Variants in GUCY2D observed in about 807,000 individuals in gnomAD.
GUCY2D encodes guanylate cyclase 2D, retinal, also known as retinal guanylyl cyclase 1.
Under a neutral mutation model 101.3 loss-of-function variants are expected in GUCY2D, and 70 were observed. The ratio of observed to expected loss-of-function variants is 0.69; its 90% CI spans 0.57 to 0.84. GUCY2D has a LOEUF of 0.84. GUCY2D is among the 40% of genes least tolerant of loss of function. The probability of loss-of-function intolerance (pLI) is 0.00; values close to 1 mark genes in which losing one functional copy is unlikely to be tolerated. For synonymous variants in GUCY2D, 688 were observed against 670.7 expected, an observed-to-expected ratio of 1.03 and a Z score of -0.40; for missense variants, 1,460 against 1,542.5, an observed-to-expected ratio of 0.95 and a Z score of 0.90.
intron 19 of GUCY2D, 126 bp downstream of exon 19, chr17:8,016,680 G>A (rs374031991): frequency 6.6e-6 from 4 of 604,446 alleles, no homozygotes; most frequent in Non-Finnish European, 1.2e-5. Flanking sequence ...CTAAACCCCG[G>A]GGCTTCCCCT....
chr17:8,009,647 C>T, intron 8 of GUCY2D, 61 bp downstream of exon 8: 1 of 1,086,216 alleles, frequency 9.2e-7, no homozygotes, highest in African/African-American at 1.5e-5. Context: ...CTTGCCTTCT[C>T]TTTGCAGCTG....
rs748520738 is a variant in GUCY2D at position 8,013,074 on chromosome 17, C to T, written c.2114-29C>T. ...GGTGAGGGTGGGAGTCTTTCCCCAGCGGCGCCTCAGCCCCTTCCCCATCCC... is the reference window on the plus strand; with the variant it reads ...GGTGAGGGTGGGAGTCTTTCCCCAGTGGCGCCTCAGCCCCTTCCCCATCCC... On this transcript the variant is annotated intron_variant, in intron 10 of 19. Transcript: ENST00000254854. The surrounding 1 kb of genome is among the most constrained non-coding windows in gnomAD (Gnocchi z 5.0). 35 of 1,602,386 alleles carry T rather than the reference C, an allele frequency of 2.2e-5. No homozygotes were observed. The highest frequency in any genetic ancestry group is 5.4e-5 in the African/African-American group (4 of 74,726).
In GUCY2D at chr17:8,014,647, T is replaced by G; in HGVS notation, c.2459T>G (p.Met820Arg). The G allele has an allele frequency of 6.2e-7, 1 of 1,614,106 alleles. No homozygotes were observed. Among genetic ancestry groups the G allele is most frequent in the Non-Finnish European group, 8.5e-7 (1 of 1,179,962 alleles). ...CGGAAGACGAACATCATTGACTCGATGCTTCGGATGCTGGAGCAGTACTCT... is the reference window on the plus strand; with the variant it reads ...CGGAAGACGAACATCATTGACTCGAGGCTTCGGATGCTGGAGCAGTACTCT... ...KGRKTNIIDS[M>R]LRMLEQYSSN... is the part of the protein sequence containing the mutation. Residue 820 changes from methionine to arginine, a missense_variant, in exon 13 of 20, where the codon ATG becomes AGG. This residue lies in a region of GUCY2D where 1,196 missense variants were observed against 1,229.6 expected (regional missense o/e 0.97). Transcript: ENST00000254854. This position sits in a 1 kb window ranked among gnomAD's most constrained non-coding sequence, Gnocchi z 4.0.
rs1975649020 is a variant in GUCY2D, at chr17:8,002,768, T to C, written c.-10+34T>C. ...CAGAGGCCCCTCCGCTGGGATAGGG[T>C]CGGTCTGAGGGCGCAGGCGAGTCCC... On this transcript the variant is annotated intron_variant, in intron 1 of 19. Transcript: ENST00000254854. The surrounding 1 kb of genome is among the most constrained non-coding windows in gnomAD (Gnocchi z 4.9). 1 of 439,152 alleles carries C rather than the reference T, an allele frequency of 2.3e-6. No homozygotes were observed. The highest frequency in any genetic ancestry group is 4.0e-5 in the East Asian group (1 of 25,188). The allele number at this position is 439,152 out of a possible 1,614,324, so 27.2% of individuals were successfully genotyped here.
In GUCY2D at chr17:8,015,661, G is replaced by A. The variant is rs1005040147; in HGVS notation, c.2945-82G>A. ...TTTGGGGGGCTGGTGGAGATAATGG[G>A]TGCGAAGATCCCCCGAGGCCCTACC... On this transcript the variant is annotated intron_variant, in intron 15 of 19. Transcript: ENST00000254854. 4.1e-6 allele frequency: 5 copies of A among 1,221,258 alleles called. No individual in the cohort carries two copies. In the African/African-American group the frequency reaches 6.0e-5, roughly 15 times the overall value. 75.7% of individuals were successfully genotyped at this position (1,221,258 alleles called of 1,614,324 possible). A position where few individuals can be genotyped will look rare whatever the true frequency, so the allele number is the denominator to read the frequency against.
At chr17:8,005,836 T>C (rs1253654324) in intron 3 of GUCY2D, among the ~76,000 whole-genome samples, 1 of 152,258 alleles carries the variant, frequency 6.6e-6, no homozygotes, top group East Asian at 1.9e-4. Context: ...TAGAGAAGCC[T>C]GATAAGATCG....
rs749607771 is a variant in GUCY2D at position 8,006,456 on chromosome 17, T to G, written c.1120T>G (p.Ser374Ala). 6.2e-7 allele frequency: 1 copy of G among 1,605,362 alleles called. No homozygotes were observed. Among genetic ancestry groups the G allele is most frequent in the Non-Finnish European group, 8.5e-7 (1 of 1,179,954 alleles). ...GGCTGCCGCAGGTGGCAGATGGGTG[T>G]CCGGAGCAGCTGTGGCCCGCCACAT... Reference protein sequence around the residue: ...ARAAAGGRWVSGAAVARHIRD... With the variant: ...ARAAAGGRWVAGAAVARHIRD... Residue 374 changes from serine to alanine, a missense_variant, in exon 4 of 20, where the codon TCC (serine) becomes GCC (alanine). Physicochemically the swap from Ser to Ala is moderately conservative, Grantham distance 99. Coordinates refer to ENST00000254854, the MANE Select transcript of GUCY2D (RefSeq NM_000180.4).
At position 8,006,513 on chromosome 17, in the gene GUCY2D, G is replaced by T. The variant is rs1419826982; in HGVS notation, c.1177G>T (p.Asp393Tyr). The T allele has an allele frequency of 1.2e-6, 2 of 1,610,062 alleles. No homozygotes were observed. The highest frequency in any genetic ancestry group is 1.7e-6 in the Non-Finnish European group (2 of 1,180,010). The change falls in exon 4 of 20, where the codon GAC becomes TAC. Residue 393 changes from aspartate to tyrosine, a missense_variant. Physicochemically the swap from Asp to Tyr is radical, Grantham distance 160. Coordinates refer to ENST00000254854, the MANE Select transcript of GUCY2D (RefSeq NM_000180.4). ...TGCGCAGGTCCCTGGCTTCTGCGGG[G>T]ACCTAGGAGGAGACGAGGAGCCCCC... ...RDAQVPGFCGDLGGDEEPPFV... is the reference protein window; with the variant it reads ...RDAQVPGFCGYLGGDEEPPFV...
chr17:8,013,100 C>G lies in GUCY2D; in HGVS notation c.2114-3C>G. Reference sequence around the variant, plus strand: ...GGCGCCTCAGCCCCTTCCCCATCCCCAGACCAGCTGTGGACAGCCCCGGAG... The same window carrying G: ...GGCGCCTCAGCCCCTTCCCCATCCCGAGACCAGCTGTGGACAGCCCCGGAG... On this transcript the variant is annotated splice_region_variant and splice_polypyrimidine_tract_variant and intron_variant, in intron 10 of 19. Transcript: ENST00000254854. This position sits in a 1 kb window ranked among gnomAD's most constrained non-coding sequence, Gnocchi z 5.0. 6.2e-7 allele frequency: 1 copy of G among 1,611,564 alleles called. No individual in the cohort carries two copies. Among genetic ancestry groups the G allele is most frequent in the South Asian group, 1.1e-5 (1 of 90,998 alleles).
chr17:8,013,037 C>A lies in GUCY2D; in HGVS notation c.2114-66C>A. 2 of 1,527,140 alleles carry A rather than the reference C, an allele frequency of 1.3e-6. No homozygotes were observed. Among genetic ancestry groups the A allele is most frequent in the Non-Finnish European group, 1.8e-6 (2 of 1,116,380 alleles). 94.6% of individuals were successfully genotyped at this position (1,527,140 alleles called of 1,614,324 possible). ...AGGGTTGGTGGTGTCTGGGTGCCAA[C>A]CTGGGCTTTCTGGTGAGGGTGGGAG... On this transcript the variant is annotated intron_variant, in intron 10 of 19. Coordinates refer to ENST00000254854, the MANE Select transcript of GUCY2D (RefSeq NM_000180.4). The surrounding 1 kb of genome is among the most constrained non-coding windows in gnomAD (Gnocchi z 5.0).
rs758645364 is a variant in GUCY2D, at chr17:8,007,991, C to T, written c.1627C>T (p.Pro543Ser). The T allele has an allele frequency of 8.1e-6, 13 of 1,613,542 alleles. No individual in the cohort carries two copies. Among genetic ancestry groups the T allele is most frequent in the African/African-American group, 2.7e-5 (2 of 74,870 alleles). ...CAGCATGTCAGACATTCGCAGCGGC[C>T]CCAGCCAACACTTGGACAGCCCCAA... ...ARSMSDIRSG[P>S]SQHLDSPNIG... The change falls in exon 7 of 20, where the codon CCC becomes TCC. Residue 543 changes from proline to serine, a missense_variant. By Grantham distance (74) the Pro-to-Ser change is moderately conservative (BLOSUM62 -1). Transcript: ENST00000254854.
chr17:8,011,563 C>G lies in GUCY2D; in HGVS notation c.1750-581C>G, dbSNP rs1022681954. On this transcript the variant is annotated intron_variant, in intron 8 of 19. Transcript: ENST00000254854. The surrounding 1 kb of genome is among the most constrained non-coding windows in gnomAD (Gnocchi z 4.3). ...TGGGGCCAGGTGTGGTGGCTCAGGCCTATAATCCCAGCACTTTGGGAGGCT... is the reference window on the plus strand; with the variant it reads ...TGGGGCCAGGTGTGGTGGCTCAGGCGTATAATCCCAGCACTTTGGGAGGCT... Among the ~76,000 whole-genome samples the G allele has an allele frequency of 2.6e-5, 4 of 152,106 alleles. No homozygotes were observed. The highest frequency in any genetic ancestry group is 5.9e-5 in the Non-Finnish European group (4 of 68,036).
In GUCY2D at chr17:8,015,810, C is replaced by T. The variant is rs563005151; in HGVS notation, c.3012C>T (p.Asn1004=). 6.2e-6 allele frequency: 10 copies of T among 1,612,718 alleles called. No homozygotes were observed. In the East Asian group the frequency reaches 1.6e-4, roughly 25 times the overall value. ...PRYCLFGDTV[N]TASRMESTGL... ...ACTGCCTGTTTGGGGACACGGTCAA[C>T]ACCGCCTCGCGCATGGAGTCCACCG... The change falls in exon 16 of 20, where the codon AAC becomes AAT. Residue 1004 remains asparagine, a synonymous_variant. Coordinates refer to ENST00000254854, the MANE Select transcript of GUCY2D (RefSeq NM_000180.4).
At chr17:8,009,652 C>A in intron 8 of GUCY2D, 66 bp downstream of exon 8, 1 of 1,020,124 alleles carries the variant, frequency 9.8e-7, no homozygotes, top group Non-Finnish European at 1.6e-6. Flanking sequence ...CTTCTCTTTG[C>A]AGCTGGGTAC....
chr17:8,015,750 C>A lies in GUCY2D; in HGVS notation c.2952C>A (p.Cys984Ter), dbSNP rs1395017892. Residue 984 changes from cysteine to a stop codon, truncating the protein, a stop_gained, in exon 16 of 20, where the codon TGC (cysteine) becomes TGA (stop). Coordinates refer to ENST00000254854, the MANE Select transcript of GUCY2D (RefSeq NM_000180.4). LOFTEE classifies it high-confidence loss of function. Reference sequence around the variant, plus strand: ...CCCCCAGCATCTCCACAGGTCCATGCGTGGCAGGCGTGGTGGGCCTCACCA... The same window carrying A: ...CCCCCAGCATCTCCACAGGTCCATGAGTGGCAGGCGTGGTGGGCCTCACCA... ...RIRIGLHSGP[C>*]VAGVVGLTMP... The A allele has an allele frequency of 6.2e-7, 1 of 1,607,938 alleles. No individual in the cohort carries two copies. Among genetic ancestry groups the A allele is most frequent in the South Asian group, 1.1e-5 (1 of 90,192 alleles).
rs2151800598 is a variant in GUCY2D, at chr17:8,006,656, A to G, written c.1320A>G (p.Gly440=). 5 of 1,612,454 alleles carry G rather than the reference A, an allele frequency of 3.1e-6. No homozygotes were observed. Among genetic ancestry groups the G allele is most frequent in the Non-Finnish European group, 4.2e-6 (5 of 1,179,396 alleles). ...CCCGGATGCACTTCCCGCGTGGGGG[A>G]TCAGCACCCGGACCTGACCCCTCGT... ...AGTRMHFPRG[G]SAPGPDPSCW... The change falls in exon 4 of 20, where the codon GGA becomes GGG. Residue 440 remains glycine, a synonymous_variant. Coordinates refer to ENST00000254854, the MANE Select transcript of GUCY2D (RefSeq NM_000180.4).
chr17:8,002,906 A>C lies in GUCY2D; in HGVS notation c.-9-133A>C. 2 of 674,066 alleles carry C rather than the reference A, an allele frequency of 3.0e-6. No homozygotes were observed. The highest frequency in any genetic ancestry group is 4.7e-6 in the Non-Finnish European group (2 of 421,088). 41.8% of individuals were successfully genotyped at this position (674,066 alleles called of 1,614,324 possible). A position where few individuals can be genotyped will look rare whatever the true frequency, so the allele number is the denominator to read the frequency against. The stretch of plus-strand genomic sequence containing the variant: ...GTCCTTGGCCCCAGTTAGTCTTCCC[A>C]GCCTCCGGAGGGGGCGGTAGCAGCA... On this transcript the variant is annotated intron_variant, in intron 1 of 19. Coordinates refer to ENST00000254854, the MANE Select transcript of GUCY2D (RefSeq NM_000180.4). The surrounding 1 kb of genome is among the most constrained non-coding windows in gnomAD (Gnocchi z 4.9).
In GUCY2D at chr17:8,009,486, C is replaced by T; in HGVS notation, c.1669-20C>T. The T allele has an allele frequency of 6.5e-7, 1 of 1,543,750 alleles. No individual in the cohort carries two copies. Among genetic ancestry groups the T allele is most frequent in the Non-Finnish European group, 9.0e-7 (1 of 1,115,764 alleles). ...GATTTTAAGAGACTGAGTTCCCTAC[C>T]CCCATCCTCTTTGCTGCAGGGAGAC... On this transcript the variant is annotated intron_variant, in intron 7 of 19. Coordinates refer to ENST00000254854, the MANE Select transcript of GUCY2D (RefSeq NM_000180.4).
Position 8,002,912 on chromosome 17 carries a change from C to T in GUCY2D, c.-9-127C>T, listed in dbSNP as rs568061033. 6.2e-4 allele frequency: 431 copies of T among 698,168 alleles called. No homozygotes were observed. The highest frequency in any genetic ancestry group is 1.3e-3 in the Middle Eastern group (5 of 3,958). 43.2% of individuals were successfully genotyped at this position (698,168 alleles called of 1,614,324 possible). A position where few individuals can be genotyped will look rare whatever the true frequency, so the allele number is the denominator to read the frequency against. The stretch of plus-strand genomic sequence containing the variant: ...GGCCCCAGTTAGTCTTCCCAGCCTC[C>T]GGAGGGGGCGGTAGCAGCAGAATCA... On this transcript the variant is annotated intron_variant, in intron 1 of 19. Transcript: ENST00000254854. This position sits in a 1 kb window ranked among gnomAD's most constrained non-coding sequence, Gnocchi z 4.9.
Sources: gnomAD v4.1 joint callset for allele counts (sites outside exome capture counted in the v4.1 genomes callset) on GRCh38, gnomAD v4.1.1 for gene constraint, gnomAD v4.1.1 regional missense constraint, Gnocchi (gnomAD v3.1) non-coding constraint, MANE v1.5 for transcripts, NCBI Gene and HGNC (gene_info 2026-07-23, HGNC 2026-07-21) for gene names.